RAB33B: variants seen among roughly 807,000 people sequenced by gnomAD.
The protein encoded by RAB33B is RAB33B, member RAS oncogene family.
RAB33B carries 6 observed loss-of-function variants against 15.0 expected under a neutral mutation model. The observed-to-expected ratio is 0.40, with a 90% CI of 0.22 to 0.79. RAB33B has a LOEUF of 0.79. Among genes scored for constraint, RAB33B ranks in the 30% least tolerant of loss-of-function variants. The probability of loss-of-function intolerance (pLI) is 0.37; values close to 1 mark genes in which losing one functional copy is unlikely to be tolerated. For missense variants in RAB33B, 257 were observed against 296.4 expected (o/e 0.87, Z 0.98); for synonymous variants, 117 against 108.3 (o/e 1.08, Z -0.50).
intron 1 of RAB33B, among the ~76,000 whole-genome samples, chr4:139,459,130 CAA>C (rs70943419): frequency 6.5e-4 from 78 of 120,166 alleles, no homozygotes; most frequent in East Asian, 9.3e-4. Context: ...AATCCCATCT[CAA>C]AAAAAAAAAA....
At chr4:139,470,282 T>A (rs912703273) in intron 1 of RAB33B, among the ~76,000 whole-genome samples, 5 of 152,148 alleles carry the variant, frequency 3.3e-5, no homozygotes, top group African/African-American at 1.2e-4. Context: ...TCCTTCCCAC[T>A]CTTCCCTCCC....
At chr4:139,455,661 G>A (rs951535463) in intron 1 of RAB33B, among the ~76,000 whole-genome samples, 28 of 152,210 alleles carry the variant, frequency 1.8e-4, no homozygotes, top group South Asian at 6.2e-4. Context: ...TTGTATTAGG[G>A]AATTTAGAAA....
chr4:139,454,097 G>T, upstream of RAB33B: 1 of 1,412,390 alleles, frequency 7.1e-7, no homozygotes, highest in South Asian at 1.4e-5. Flanking sequence ...AAGTTGCGCA[G>T]CCGAACTGGC....
At chr4:139,452,832 C>T, upstream of RAB33B, 1 of 152,348 alleles carries the variant, frequency 6.6e-6, no homozygotes, top group Non-Finnish European at 1.5e-5. Flanking sequence ...ACTTTTAGTG[C>T]TCTACTGTCC....
the RAB33B span, among the ~76,000 whole-genome samples, chr4:139,442,153 C>T: frequency 2.6e-5 from 4 of 152,032 alleles, no homozygotes; most frequent in African/African-American, 9.7e-5. Flanking sequence ...GTGCTGTTAA[C>T]AGAGTGTGTA....
intron 1 of RAB33B, among the ~76,000 whole-genome samples, chr4:139,471,501 C>G (rs1750390534): frequency 6.6e-6 from 1 of 150,854 alleles, no homozygotes; most frequent in Non-Finnish European, 1.5e-5. Context: ...GAGTGCTCAC[C>G]TGATTTTTGG....
intron 1 of RAB33B, among the ~76,000 whole-genome samples, chr4:139,466,207 G>A (rs1051262710): frequency 2.6e-5 from 4 of 152,138 alleles, no homozygotes; most frequent in Admixed American, 6.5e-5. Flanking sequence ...CTTTGAGGGC[G>A]GGTCTAAATT....
chr4:139,471,575 G>A (rs918662807), intron 1 of RAB33B, among the ~76,000 whole-genome samples: 3 of 148,968 alleles, frequency 2.0e-5, no homozygotes, highest in African/African-American at 7.5e-5. Context: ...GTGTCCTTGC[G>A]GGGCAGTTGG....
At chr4:139,442,545 C>T in the RAB33B span, among the ~76,000 whole-genome samples, 1 of 152,124 alleles carries the variant, frequency 6.6e-6, no homozygotes, top group Non-Finnish European at 1.5e-5. Flanking sequence ...TGGGCACCAT[C>T]TAATCAGCTG....
At chr4:139,463,215 A>T (rs1316380291) in intron 1 of RAB33B, among the ~76,000 whole-genome samples, 1 of 152,180 alleles carries the variant, frequency 6.6e-6, no homozygotes, top group Non-Finnish European at 1.5e-5. Context: ...CCCAGGTTGG[A>T]GTGCAATGGT....
the RAB33B span, among the ~76,000 whole-genome samples, chr4:139,439,358 A>T: frequency 6.6e-6 from 1 of 152,190 alleles, no homozygotes; most frequent in Non-Finnish European, 1.5e-5. Flanking sequence ...TGACTATATT[A>T]GCTCATTGTC....
upstream of RAB33B, chr4:139,451,878 C>T (rs770692164): frequency 9.2e-5 from 14 of 152,336 alleles, no homozygotes; most frequent in South Asian, 2.1e-4. Flanking sequence ...GTGGTAGTGA[C>T]TCCAAGGACA....
intron 1 of RAB33B, among the ~76,000 whole-genome samples, chr4:139,456,630 A>G (rs1220337430): frequency 6.6e-6 from 1 of 152,194 alleles, no homozygotes. Flanking sequence ...CTTTAGCCTA[A>G]CTTGTTACAT....
chr4:139,458,510 C>T (rs1180053547), intron 1 of RAB33B, among the ~76,000 whole-genome samples: 4 of 152,118 alleles, frequency 2.6e-5, no homozygotes, highest in East Asian at 1.9e-4. Context: ...TGTGTCCGTG[C>T]GGTATTTGGT....
At position 139,454,300 on chromosome 4, in the gene RAB33B, G is replaced by A. The variant is rs753089290; in HGVS notation, c.105G>A (p.Lys35=). 1.2e-6 allele frequency: 2 copies of A among 1,614,184 alleles called. No individual in the cohort carries two copies. The highest frequency in any genetic ancestry group is 2.2e-5 in the South Asian group (2 of 91,086). The change falls in exon 1 of 2, where the codon AAG becomes AAA. Residue 35 remains lysine, a synonymous_variant. Transcript: ENST00000305626. The part of the protein sequence containing the change: ...FLPPARSRIF[K]IIVIGDSNVG... ...CTCCTGCCCGCTCCCGCATCTTCAA[G>A]ATAATCGTGATCGGCGACTCCAATG...
chr4:139,462,187 G>A (rs1415417601), intron 1 of RAB33B, among the ~76,000 whole-genome samples: 1 of 151,552 alleles, frequency 6.6e-6, no homozygotes, highest in Non-Finnish European at 1.5e-5. Flanking sequence ...CCGAGTAGCT[G>A]GGACTACAGG....
At chr4:139,446,165 C>T in the RAB33B span, among the ~76,000 whole-genome samples, 31,439 of 152,098 alleles carry the variant, frequency 0.21, 3,576 homozygotes, top group Non-Finnish European at 0.26. Flanking sequence ...CAAATGCCCA[C>T]GGTCTCCACT....
At chr4:139,450,770 T>C (rs1009024255), upstream of RAB33B, 1 of 152,098 alleles carries the variant, frequency 6.6e-6, no homozygotes. Context: ...ATCTAAGAGC[T>C]GTTTCTGAGT....
chr4:139,451,994 A>G (rs1475246048), upstream of RAB33B: 1 of 152,248 alleles, frequency 6.6e-6, no homozygotes, highest in East Asian at 1.9e-4. Context: ...TCAATTAAGA[A>G]GAGTAGCACA....
Sources: allele counts gnomAD v4.1 joint callset (sites outside exome capture counted in the v4.1 genomes callset), GRCh38; gene constraint gnomAD v4.1.1; transcripts MANE v1.5; gene names NCBI Gene and HGNC (gene_info 2026-07-23, HGNC 2026-07-21).